Variants in MYOCD observed in about 807,000 individuals in gnomAD.
MYOCD encodes the protein myocardin.
A neutral mutation model predicts 96.1 loss-of-function variants in MYOCD; 32 were observed. The observed-to-expected ratio is 0.33, with a 90% CI of 0.25 to 0.45. MYOCD has a LOEUF of 0.45. Among genes scored for constraint, MYOCD ranks in the 20% least tolerant of loss-of-function variants. The probability of loss-of-function intolerance (pLI) is 1.00; values close to 1 mark genes in which losing one functional copy is unlikely to be tolerated. For synonymous variants in MYOCD, 469 were observed against 469.0 expected (o/e 1.00, Z 0.00); for missense variants, 1,133 against 1,200.6 (o/e 0.94, Z 0.83).
At chr17:12,736,499 C>G (rs1381304963) in intron 6 of MYOCD, among the ~76,000 whole-genome samples, 163 bp downstream of exon 6, 2 of 152,346 alleles carry the variant, frequency 1.3e-5, no homozygotes, top group African/African-American at 4.8e-5. Context: ...CTATTCAGCG[C>G]AGGCCTCTGT....
Position 12,736,327 on chromosome 17 carries a change from G to A in MYOCD, c.582G>A (p.Gly194=), listed in dbSNP as rs1338043927. 3 of 1,611,852 alleles carry A rather than the reference G, an allele frequency of 1.9e-6. No homozygotes were observed. The highest frequency in any genetic ancestry group is 1.7e-5 in the Admixed American group (1 of 59,210). The change falls in exon 6 of 14, where the codon GGG becomes GGA. Residue 194 remains glycine (G), a synonymous_variant. Transcript: ENST00000425538. The stretch of plus-strand genomic sequence containing the variant: ...ATACCCCTTCGACAGGTTCTCTGGG[G>A]ACAAACCAGGTAAAAAACAAAACAA... ...ASDTPSTGSL[G]TNQDLASGSE...
intron 13 of MYOCD, 68 bp downstream of exon 13, chr17:12,760,775 C>T (rs758103284): frequency 2.5e-4 from 330 of 1,295,956 alleles, no homozygotes; most frequent in Non-Finnish European, 3.3e-4. Context: ...AATGAACTCT[C>T]GGTACCAAGA....
intron 13 of MYOCD, 146 bp downstream of exon 13, chr17:12,760,853 C>A: frequency 1.5e-6 from 1 of 680,468 alleles, no homozygotes; most frequent in Admixed American, 2.3e-5. Flanking sequence ...TTGAGCTTCT[C>A]GCACATTTTT....
At chr17:12,679,219 T>G (rs1476230266) in intron 1 of MYOCD, among the ~76,000 whole-genome samples, 1 of 152,162 alleles carries the variant, frequency 6.6e-6, no homozygotes, top group Non-Finnish European at 1.5e-5. Flanking sequence ...ATTTAATTTT[T>G]TATTTTAACA....
chr17:12,699,969 G>A (rs1357477368), intron 1 of MYOCD, among the ~76,000 whole-genome samples: 1 of 143,160 alleles, frequency 7.0e-6, no homozygotes, highest in African/African-American at 2.7e-5. Flanking sequence ...GAGTGCAATG[G>A]CACAATCTCG....
At chr17:12,738,391 C>T (rs1041503624) in intron 6 of MYOCD, among the ~76,000 whole-genome samples, 2 of 152,018 alleles carry the variant, frequency 1.3e-5, no homozygotes, top group Non-Finnish European at 1.5e-5. Context: ...ATAATTTTTC[C>T]CTTTACAGAC....
intron 5 of MYOCD, among the ~76,000 whole-genome samples, chr17:12,734,504 CTT>C (rs3050319): frequency 2.9e-4 from 19 of 65,474 alleles, no homozygotes; most frequent in South Asian, 8.1e-4. Flanking sequence ...ACACATGATC[CTT>C]TTTTTTTTTT....
At chr17:12,734,500 G>A (rs1418368837) in intron 5 of MYOCD, among the ~76,000 whole-genome samples, 1 of 105,278 alleles carries the variant, frequency 9.5e-6, no homozygotes, top group African/African-American at 3.4e-5. Context: ...TAATACACAT[G>A]ATCCTTTTTT....
At chr17:12,756,618 C>G (rs2033019942) in intron 11 of MYOCD, 61 bp downstream of exon 11, 12 of 1,450,296 alleles carry the variant, frequency 8.3e-6, no homozygotes, top group Admixed American at 2.2e-5. Flanking sequence ...TCTTCTGTAA[C>G]CCGGGAGGCA....
At chr17:12,710,058 A>C (rs898505409) in intron 2 of MYOCD, among the ~76,000 whole-genome samples, 2 of 152,190 alleles carry the variant, frequency 1.3e-5, no homozygotes, top group Non-Finnish European at 2.9e-5. Context: ...AGTCAGACTC[A>C]ACTTCTGTTT....
chr17:12,685,204 C>G (rs2030041399), intron 1 of MYOCD, among the ~76,000 whole-genome samples: 1 of 152,012 alleles, frequency 6.6e-6, no homozygotes, highest in Non-Finnish European at 1.5e-5. Context: ...GAGGCCAAGG[C>G]ACAAGAAATG....
intron 12 of MYOCD, among the ~76,000 whole-genome samples, chr17:12,758,974 G>A (rs1290708057): frequency 6.6e-6 from 1 of 152,026 alleles, no homozygotes; most frequent in Non-Finnish European, 1.5e-5. Context: ...GCTTGAACCT[G>A]GGAGGTGGAG....
rs267604741 is a variant in MYOCD, at chr17:12,739,299, A to C, written c.688A>C (p.Thr230Pro). 6.2e-7 allele frequency: 1 copy of C among 1,607,434 alleles called. No individual in the cohort carries two copies. Among genetic ancestry groups the C allele is most frequent in the Non-Finnish European group, 8.5e-7 (1 of 1,177,300 alleles). Residue 230 changes from threonine (T) to proline (P), a missense_variant, in exon 7 of 14, where the codon ACC becomes CCC. Coordinates refer to ENST00000425538, the MANE Select transcript of MYOCD (RefSeq NM_001146312.3). ...GAAGCAGGGGCTTGGCCCCCCCAGC[A>C]CCCCCATAGCCGTGCATGCTGCTGT... ...AGKQGLGPPS[T>P]PIAVHAAVKS...
At chr17:12,670,178 A>G (rs1189793438) in intron 1 of MYOCD, among the ~76,000 whole-genome samples, 1 of 152,138 alleles carries the variant, frequency 6.6e-6, no homozygotes, top group Non-Finnish European at 1.5e-5. Context: ...AAGAAGGCAA[A>G]GAACATGCAA....
At chr17:12,687,980 C>T (rs1432312496) in intron 1 of MYOCD, among the ~76,000 whole-genome samples, 1 of 152,236 alleles carries the variant, frequency 6.6e-6, no homozygotes, top group African/African-American at 2.4e-5. Flanking sequence ...GATTAACACA[C>T]AGATTCCAGT....
At chr17:12,754,080 G>GTGTA (rs1555535693) in intron 10 of MYOCD, among the ~76,000 whole-genome samples, 4 of 151,294 alleles carry the variant, frequency 2.6e-5, no homozygotes, top group Admixed American at 1.3e-4. Context: ...GTGTGTATGT[G>GTGTA]TGTGTGTGTG....
chr17:12,721,844 G>A (rs575816590), intron 4 of MYOCD, among the ~76,000 whole-genome samples: 9 of 152,200 alleles, frequency 5.9e-5, no homozygotes, highest in Non-Finnish European at 1.3e-4. Flanking sequence ...CTTTGGAGAG[G>A]ACATGGGCTT....
chr17:12,734,509 T>A (rs2032281363), intron 5 of MYOCD, among the ~76,000 whole-genome samples: 1 of 134,710 alleles, frequency 7.4e-6, no homozygotes, highest in Admixed American at 7.5e-5. Flanking sequence ...TGATCCTTTT[T>A]TTTTTTTTTT....
At chr17:12,692,022 G>A (rs2030473895) in intron 1 of MYOCD, among the ~76,000 whole-genome samples, 2 of 152,088 alleles carry the variant, frequency 1.3e-5, no homozygotes, top group South Asian at 2.1e-4. Context: ...GAGAGAGAGA[G>A]GGAAAAGGAA....
Sources: allele counts gnomAD v4.1 joint callset (sites outside exome capture counted in the v4.1 genomes callset), GRCh38; gene constraint gnomAD v4.1.1; transcripts MANE v1.5; gene names NCBI Gene and HGNC (gene_info 2026-07-23, HGNC 2026-07-21).